Variants in FHOD3 observed in about 807,000 individuals in gnomAD.
FHOD3 encodes the protein FH1/FH2 domain-containing protein 3.
FHOD3 carries 90 observed loss-of-function variants against 173.0 expected under a neutral mutation model. That is an observed-to-expected ratio of 0.52 (90% confidence interval 0.44 to 0.62). The LOEUF is 0.62. Among genes scored for constraint, FHOD3 ranks in the 20% least tolerant of loss-of-function variants. The pLI, the probability that FHOD3 is intolerant of heterozygous loss-of-function variation, is 0.00. For missense variants in FHOD3, 1,945 were observed against 2,034.7 expected, an observed-to-expected ratio of 0.96 and a Z score of 0.85; for synonymous variants, 828 against 823.0, an observed-to-expected ratio of 1.01 and a Z score of -0.10.
At position 36,582,687 on chromosome 18, in the gene FHOD3, T is replaced by C. The variant is rs2058896431; in HGVS notation, c.606+6142T>C. 2.6e-5 allele frequency among the ~76,000 whole-genome samples: 4 copies of C among 152,294 alleles called. No individual in the cohort carries two copies. The South Asian group carries it at 8.3e-4, about 32-fold the overall frequency. ...AGTACTTGGGGATATAATTTTCAGC[T>C]CCTCATCATACTGGTTACCAACTCT... On this transcript the variant is annotated intron_variant, in intron 6 of 28. Transcript: ENST00000590592.
chr18:36,694,381 C>T (rs556049379), intron 17 of FHOD3, among the ~76,000 whole-genome samples: 1 of 152,160 alleles, frequency 6.6e-6, no homozygotes. Flanking sequence ...GCTCTCCAAA[C>T]CTTGGCTCAT....
intron 1 of FHOD3, among the ~76,000 whole-genome samples, chr18:36,349,762 A>T (rs1047365912): frequency 1.3e-5 from 2 of 152,144 alleles, no homozygotes; most frequent in African/African-American, 2.4e-5. Context: ...TTTTTTCAGG[A>T]TGGTGAGTCT....
intron 3 of FHOD3, among the ~76,000 whole-genome samples, chr18:36,449,906 A>G (rs146466755): frequency 1.6e-4 from 25 of 152,232 alleles, no homozygotes; most frequent in Non-Finnish European, 3.2e-4. Flanking sequence ...AATTTGAACC[A>G]TGTTTTTCAT....
chr18:36,649,528 T>A, intron 11 of FHOD3, 123 bp downstream of exon 11: 2 of 635,236 alleles, frequency 3.1e-6, no homozygotes, highest in Non-Finnish European at 5.2e-6. Flanking sequence ...AACTCTTACT[T>A]ACCCTGTTCA....
At chr18:36,497,362 G>A (rs1468521620) in intron 3 of FHOD3, among the ~76,000 whole-genome samples, 1 of 152,192 alleles carries the variant, frequency 6.6e-6, no homozygotes, top group Admixed American at 6.5e-5. Context: ...ACCTGCCTGA[G>A]GTCTTTGGTT....
At chr18:36,356,483 C>T (rs1338101482) in intron 2 of FHOD3, among the ~76,000 whole-genome samples, 3 of 152,114 alleles carry the variant, frequency 2.0e-5, no homozygotes, top group African/African-American at 7.2e-5. Flanking sequence ...CCACCTTTTT[C>T]CTTCTGATTT....
chr18:36,676,496 A>T (rs553640068), intron 14 of FHOD3, among the ~76,000 whole-genome samples: 1 of 152,254 alleles, frequency 6.6e-6, no homozygotes, highest in Non-Finnish European at 1.5e-5. Flanking sequence ...ATTATTTACC[A>T]TACATGTCTA....
At chr18:36,459,677 T>C (rs1456302836) in intron 3 of FHOD3, among the ~76,000 whole-genome samples, 1 of 152,120 alleles carries the variant, frequency 6.6e-6, no homozygotes, top group Non-Finnish European at 1.5e-5. Flanking sequence ...TTTTTTTTCA[T>C]TTTGAAAAAT....
intron 1 of FHOD3, among the ~76,000 whole-genome samples, chr18:36,309,556 A>G (rs563257927): frequency 6.6e-6 from 1 of 152,308 alleles, no homozygotes; most frequent in Admixed American, 6.5e-5. Flanking sequence ...AGGAGGACTC[A>G]GGCAGGCTCC....
chr18:36,555,253 A>G (rs1046506842), intron 5 of FHOD3, among the ~76,000 whole-genome samples: 1 of 152,098 alleles, frequency 6.6e-6, no homozygotes, highest in South Asian at 2.1e-4. Flanking sequence ...TTCGTTTCAC[A>G]ATCCTTTTAA....
intron 21 of FHOD3, 57 bp from the exon 22 acceptor site, chr18:36,742,680 A>T: frequency 6.4e-7 from 1 of 1,570,782 alleles, no homozygotes; most frequent in South Asian, 1.2e-5. Flanking sequence ...AAGTCAGAAG[A>T]ACAAAGTAAA....
intron 3 of FHOD3, among the ~76,000 whole-genome samples, chr18:36,411,932 T>G (rs1025624453): frequency 3.3e-5 from 5 of 152,250 alleles, no homozygotes; most frequent in East Asian, 1.9e-4. Context: ...TCCCTTGGCC[T>G]TTCTTCTCTC....
chr18:36,583,634 TCTTAGGTC>T (rs2058930237), intron 6 of FHOD3, among the ~76,000 whole-genome samples: 1 of 152,122 alleles, frequency 6.6e-6, no homozygotes, highest in African/African-American at 2.4e-5. Context: ...TGGGAAAGTT[TCTTAGGTC>T]CCAGCCCTGC....
At chr18:36,439,964 G>A (rs2051041506) in intron 3 of FHOD3, among the ~76,000 whole-genome samples, 1 of 152,126 alleles carries the variant, frequency 6.6e-6, no homozygotes, top group Non-Finnish European at 1.5e-5. Flanking sequence ...ATTTAAATGT[G>A]AATCGTTTCT....
At chr18:36,535,428 A>G (rs964652154) in intron 5 of FHOD3, among the ~76,000 whole-genome samples, 1 of 152,186 alleles carries the variant, frequency 6.6e-6, no homozygotes, top group Non-Finnish European at 1.5e-5. Flanking sequence ...TTATGCGAGA[A>G]GTAAAGGGTG....
chr18:36,317,512 A>G (rs532555442), intron 1 of FHOD3, among the ~76,000 whole-genome samples: 5 of 152,368 alleles, frequency 3.3e-5, no homozygotes, highest in African/African-American at 1.2e-4. Flanking sequence ...TGTTGGCTGC[A>G]TAAATGTCTT....
intron 5 of FHOD3, among the ~76,000 whole-genome samples, chr18:36,552,474 T>G (rs1385180354): frequency 1.3e-5 from 2 of 151,956 alleles, no homozygotes; most frequent in Non-Finnish European, 2.9e-5. Flanking sequence ...TTTTCCTAAT[T>G]GAATACCCTT....
chr18:36,529,403 A>C (rs1181179692), intron 5 of FHOD3, among the ~76,000 whole-genome samples: 1 of 152,186 alleles, frequency 6.6e-6, no homozygotes, highest in South Asian at 2.1e-4. Context: ...TCATATTTCC[A>C]CAGAAGAGAG....
At chr18:36,726,204 A>G (rs1450038525) in intron 19 of FHOD3, among the ~76,000 whole-genome samples, 3 of 151,656 alleles carry the variant, frequency 2.0e-5, no homozygotes, top group African/African-American at 7.3e-5. Flanking sequence ...AGAGATAACT[A>G]CAGCACACTT....
Sources: gnomAD v4.1 joint callset for allele counts (sites outside exome capture counted in the v4.1 genomes callset) on GRCh38, gnomAD v4.1.1 for gene constraint, MANE v1.5 for transcripts, NCBI Gene and HGNC (gene_info 2026-07-23, HGNC 2026-07-21) for gene names.